MACROD2: variants seen among roughly 807,000 people sequenced by gnomAD.
The protein encoded by MACROD2 is mono-ADP ribosylhydrolase 2.
Under a neutral mutation model 70.4 loss-of-function variants are expected in MACROD2, and 36 were observed. The ratio of observed to expected loss-of-function variants is 0.51; its 90% CI spans 0.39 to 0.68. The LOEUF (loss-of-function observed/expected upper bound fraction) is 0.68, where lower values mean the gene tolerates loss of function less well. Among genes scored for constraint, MACROD2 ranks in the 30% least tolerant of loss-of-function variants. MACROD2 has a pLI of 0.00. For synonymous variants in MACROD2, 172 were observed against 178.8 expected, an observed-to-expected ratio of 0.96 and a Z score of 0.30; for missense variants, 496 against 538.4, an observed-to-expected ratio of 0.92 and a Z score of 0.78.
intron 4 of MACROD2, among the ~76,000 whole-genome samples, chr20:14,496,767 T>G (rs117435360): frequency 0.013 from 1,963 of 151,434 alleles, 28 homozygotes; most frequent in South Asian, 0.021. Context: ...GAGACAGTTA[T>G]GTACTAATTT....
intron 8 of MACROD2, among the ~76,000 whole-genome samples, chr20:15,517,196 C>G (rs928641106): frequency 6.6e-6 from 1 of 152,096 alleles, no homozygotes. Context: ...TTGCTCCTAC[C>G]CTCCAGCCTC....
At chr20:15,497,679 G>A (rs748630280) in intron 7 of MACROD2, among the ~76,000 whole-genome samples, 2 of 152,114 alleles carry the variant, frequency 1.3e-5, no homozygotes, top group Admixed American at 6.5e-5. Context: ...TTGATTCCTC[G>A]GGACTCACAG....
chr20:15,431,480 C>T (rs776285724), intron 7 of MACROD2, 45 bp downstream of exon 7: 2 of 1,556,150 alleles, frequency 1.3e-6, no homozygotes, highest in Non-Finnish European at 1.8e-6. Context: ...CTTTATTTTG[C>T]TGTTAAATGC....
At chr20:14,701,293 C>T (rs1293256904) in intron 5 of MACROD2, among the ~76,000 whole-genome samples, 1 of 152,176 alleles carries the variant, frequency 6.6e-6, no homozygotes, top group Non-Finnish European at 1.5e-5. Context: ...GAGTTGCATG[C>T]TTATTCACTT....
chr20:15,220,351 A>AAT (rs2076848835), intron 5 of MACROD2, among the ~76,000 whole-genome samples: 1 of 152,220 alleles, frequency 6.6e-6, no homozygotes, highest in African/African-American at 2.4e-5. Flanking sequence ...GTTCCCATAG[A>AAT]ATTCTTGGCT....
chr20:14,669,752 G>A (rs1350124016), intron 4 of MACROD2, among the ~76,000 whole-genome samples: 3 of 151,864 alleles, frequency 2.0e-5, no homozygotes, highest in African/African-American at 7.3e-5. Context: ...CTTATTTCTT[G>A]GAAAGAGAAA....
chr20:14,068,911 G>A (rs60785953), intron 2 of MACROD2, among the ~76,000 whole-genome samples: 2,492 of 152,188 alleles, frequency 0.016, 71 homozygotes, highest in African/African-American at 0.056. Context: ...TTTTTAACTT[G>A]ACCAGTACCA....
intron 8 of MACROD2, among the ~76,000 whole-genome samples, chr20:15,682,885 C>T (rs934090919): frequency 4.3e-4 from 65 of 152,118 alleles, no homozygotes; most frequent in Admixed American, 3.3e-3. Flanking sequence ...ATCTTATGTT[C>T]TGGAAGTAAT....
intron 2 of MACROD2, among the ~76,000 whole-genome samples, chr20:14,077,900 T>C (rs1299361381): frequency 2.0e-5 from 3 of 151,144 alleles, no homozygotes; most frequent in Non-Finnish European, 3.0e-5. Flanking sequence ...TTTTCTTTTT[T>C]TTTTTTTTTT....
intron 4 of MACROD2, among the ~76,000 whole-genome samples, chr20:14,630,975 AG>A (rs1403657579): frequency 2.6e-5 from 4 of 152,164 alleles, no homozygotes; most frequent in African/African-American, 4.8e-5. Flanking sequence ...TGTCTGTAAC[AG>A]CTGTGATTTT....
At chr20:14,299,211 A>G (rs1271784490) in intron 3 of MACROD2, among the ~76,000 whole-genome samples, 1 of 152,178 alleles carries the variant, frequency 6.6e-6, no homozygotes, top group Non-Finnish European at 1.5e-5. Flanking sequence ...CAGCCACCCC[A>G]GCCTGAAATT....
At chr20:15,365,639 C>A (rs35053079) in intron 6 of MACROD2, among the ~76,000 whole-genome samples, 3 of 149,542 alleles carry the variant, frequency 2.0e-5, no homozygotes, top group Non-Finnish European at 4.4e-5. Context: ...CCAGCCTGGG[C>A]GACAGAGCGA....
At chr20:14,058,544 G>T (rs1376505286) in intron 2 of MACROD2, among the ~76,000 whole-genome samples, 1 of 149,890 alleles carries the variant, frequency 6.7e-6, no homozygotes, top group African/African-American at 2.4e-5. Context: ...TTTTCCTTAT[G>T]GAGTTTTTTC....
chr20:14,630,042 A>G (rs1392213828), intron 4 of MACROD2, among the ~76,000 whole-genome samples: 2 of 151,930 alleles, frequency 1.3e-5, no homozygotes, highest in African/African-American at 4.8e-5. Context: ...AATTGGTACT[A>G]TTATTATCTT....
intron 6 of MACROD2, among the ~76,000 whole-genome samples, chr20:15,407,750 A>C (rs2046023238): frequency 6.6e-6 from 1 of 152,148 alleles, no homozygotes; most frequent in Non-Finnish European, 1.5e-5. Flanking sequence ...ATGAATACTA[A>C]ATTTATACTT....
intron 3 of MACROD2, among the ~76,000 whole-genome samples, chr20:14,277,004 T>C (rs1265349507): frequency 1.3e-5 from 2 of 152,204 alleles, no homozygotes; most frequent in Non-Finnish European, 2.9e-5. Context: ...GTTCCCAGGT[T>C]TACATACACG....
intron 8 of MACROD2, among the ~76,000 whole-genome samples, chr20:15,637,287 G>A (rs886290102): frequency 2.6e-5 from 4 of 152,184 alleles, no homozygotes; most frequent in Non-Finnish European, 4.4e-5. Flanking sequence ...CTCTCATAGG[G>A]GTAAGTGTGA....
At chr20:14,302,659 G>T (rs8122312) in intron 3 of MACROD2, among the ~76,000 whole-genome samples, 56,586 of 150,900 alleles carry the variant, frequency 0.37, 11,846 homozygotes, top group Non-Finnish European at 0.48. Context: ...TGTTTTTTTT[G>T]TTGTTGTTTT....
intron 5 of MACROD2, among the ~76,000 whole-genome samples, chr20:14,755,520 A>G (rs1048733119): frequency 1.3e-5 from 2 of 152,126 alleles, no homozygotes; most frequent in East Asian, 1.9e-4. Context: ...TTTGATTAAT[A>G]AAGTCTAGTA....
Sources: gnomAD v4.1 joint callset for allele counts (sites outside exome capture counted in the v4.1 genomes callset) on GRCh38, gnomAD v4.1.1 for gene constraint, MANE v1.5 for transcripts, NCBI Gene and HGNC (gene_info 2026-07-23, HGNC 2026-07-21) for gene names.